PTPRD: variants seen among roughly 807,000 people sequenced by gnomAD.
The protein encoded by PTPRD is receptor-type tyrosine-protein phosphatase delta.
In PTPRD, 34 loss-of-function variants were observed where a neutral mutation model predicts 214.5. The ratio of observed to expected loss-of-function variants is 0.16; its 90% CI spans 0.12 to 0.21. The LOEUF (loss-of-function observed/expected upper bound fraction) is 0.21. PTPRD is among the 10% of genes least tolerant of loss of function. PTPRD has a pLI of 1.00. For synonymous variants in PTPRD, 1,128 were observed against 845.7 expected (o/e 1.33, Z -5.79); for missense variants, 2,545 against 2,398.7 (o/e 1.06, Z -1.27).
At chr9:8,557,455 T>C (rs56791916) in intron 14 of PTPRD, among the ~76,000 whole-genome samples, 7,921 of 135,250 alleles carry the variant, frequency 0.059, 1,414 homozygotes, top group African/African-American at 0.26. Context: ...TATATATATA[T>C]ATTTGGGCCG....
chr9:10,430,642 GAAT>G (rs1304604682), intron 2 of PTPRD, among the ~76,000 whole-genome samples: 2 of 151,760 alleles, frequency 1.3e-5, no homozygotes, highest in Non-Finnish European at 2.9e-5. Context: ...ACCTCCGTCA[GAAT>G]AATAATGCAA....
At chr9:8,822,792 T>C (rs1291638439) in intron 11 of PTPRD, among the ~76,000 whole-genome samples, 1 of 152,042 alleles carries the variant, frequency 6.6e-6, no homozygotes, top group African/African-American at 2.4e-5. Context: ...TGGAATCCAA[T>C]TCTGTTAAAC....
intron 7 of PTPRD, among the ~76,000 whole-genome samples, chr9:9,615,492 A>C (rs1414345424): frequency 2.6e-5 from 4 of 152,160 alleles, no homozygotes; most frequent in African/African-American, 9.7e-5. Context: ...TCCTTGGATC[A>C]AGGGTTGTCT....
At chr9:9,326,641 G>A (rs549253121) in intron 9 of PTPRD, among the ~76,000 whole-genome samples, 2 of 151,176 alleles carry the variant, frequency 1.3e-5, no homozygotes, top group East Asian at 3.9e-4. Context: ...TGAGAGCATT[G>A]AAGATTTTTT....
At chr9:8,717,186 T>C (rs1406202447) in intron 12 of PTPRD, among the ~76,000 whole-genome samples, 2 of 152,022 alleles carry the variant, frequency 1.3e-5, no homozygotes, top group Admixed American at 6.6e-5. Flanking sequence ...CATCTAAAAG[T>C]AACATATGAA....
At chr9:9,073,010 T>C (rs771149793) in intron 10 of PTPRD, among the ~76,000 whole-genome samples, 1 of 152,128 alleles carries the variant, frequency 6.6e-6, no homozygotes, top group Non-Finnish European at 1.5e-5. Flanking sequence ...AACATGGAAG[T>C]TCAGAATAAA....
chr9:9,914,407 C>G (rs920192426), intron 5 of PTPRD, among the ~76,000 whole-genome samples: 5 of 152,202 alleles, frequency 3.3e-5, no homozygotes, highest in African/African-American at 1.2e-4. Flanking sequence ...GTGTCCACCC[C>G]TAGTGGACAT....
At chr9:10,412,618 GCACACACACACACAAACACACACACACA>G (rs1458996391) in intron 2 of PTPRD, among the ~76,000 whole-genome samples, 1 of 91,540 alleles carries the variant, frequency 1.1e-5, no homozygotes, top group Non-Finnish European at 2.0e-5. Flanking sequence ...ACACACGCAC[GCACACACACACACAAACACACACACACA>G]CACACACACA....
At position 9,744,311 on chromosome 9, in the gene PTPRD, A is replaced by G. The variant is rs762159088; in HGVS notation, c.-325-9740T>C. Among the ~76,000 whole-genome samples, 5 of 152,152 alleles carry G rather than the reference A, an allele frequency of 3.3e-5. No homozygotes were observed. The East Asian group carries it at 7.7e-4, about 24-fold the overall frequency. Reference sequence around the variant, plus strand: ...GTCGTTTTAGAGTAGAGTGGCTGCAATTGAGGCAAACAATTTAAGTAAAAA... The same window carrying G: ...GTCGTTTTAGAGTAGAGTGGCTGCAGTTGAGGCAAACAATTTAAGTAAAAA... On this transcript the variant is annotated intron_variant, in intron 6 of 45. Coordinates refer to ENST00000381196, the MANE Select transcript of PTPRD (RefSeq NM_002839.4).
intron 34 of PTPRD, 46 bp downstream of exon 34, chr9:8,449,679 C>G (rs1385468802): frequency 1.3e-6 from 2 of 1,565,164 alleles, no homozygotes; most frequent in Non-Finnish European, 1.8e-6. Flanking sequence ...AGCTGTACAA[C>G]TTCTGGGAAA....
At chr9:10,046,170 A>G (rs1356873129) in intron 3 of PTPRD, among the ~76,000 whole-genome samples, 1 of 151,834 alleles carries the variant, frequency 6.6e-6, no homozygotes, top group African/African-American at 2.4e-5. Context: ...TTTCCAGATG[A>G]CTTCATTAGT....
intron 10 of PTPRD, among the ~76,000 whole-genome samples, chr9:9,142,200 A>G (rs2099861648): frequency 6.6e-6 from 1 of 152,208 alleles, no homozygotes; most frequent in African/African-American, 2.4e-5. Context: ...CAAATCCCAT[A>G]GAAGCCCTAG....
rs2096558818 is a variant in PTPRD, at chr9:10,009,744, GC to G, written c.-472+23973del. On this transcript the variant is annotated intron_variant, in intron 4 of 45. Transcript: ENST00000381196. The stretch of plus-strand genomic sequence containing the variant: ...CTCCCGCAAAGGACAGCTTTGCAGG[GC>G]CGTTTCAAAATATGTCAAAGTATAT... Among the ~76,000 whole-genome samples, 4 of 152,032 alleles carry G rather than the reference GC, an allele frequency of 2.6e-5. No homozygotes were observed. The South Asian group carries it at 8.3e-4, about 32-fold the overall frequency.
intron 9 of PTPRD, among the ~76,000 whole-genome samples, chr9:9,286,080 A>G (rs905712968): frequency 7.2e-5 from 11 of 151,802 alleles, no homozygotes; most frequent in Non-Finnish European, 1.5e-4. Flanking sequence ...GTTAGTATAC[A>G]TAAATTTTCT....
At chr9:8,346,137 G>GA in intron 39 of PTPRD, among the ~76,000 whole-genome samples, 1 of 151,882 alleles carries the variant, frequency 6.6e-6, no homozygotes, top group Non-Finnish European at 1.5e-5. Context: ...GTTTAAAACT[G>GA]AAAAATCATC....
At chr9:10,033,594 T>C (rs2097124369) in intron 4 of PTPRD, 124 bp downstream of exon 4, 1 of 152,086 alleles carries the variant, frequency 6.6e-6, no homozygotes, top group African/African-American at 2.4e-5. Flanking sequence ...AAAAGAATTA[T>C]TCTGTAATTA....
At chr9:9,662,886 A>G (rs2096646949) in intron 7 of PTPRD, among the ~76,000 whole-genome samples, 1 of 151,526 alleles carries the variant, frequency 6.6e-6, no homozygotes, top group Non-Finnish European at 1.5e-5. Flanking sequence ...ATTGTACAGT[A>G]TTTGAGAATA....
rs373491209 is a variant in PTPRD, at chr9:10,179,881, G to C, written c.-544-146091C>G. ...GTTTAGACAATAACTGCAAAACTAA[G>C]CATACTATTTTATTTAGCTAGCAAA... On this transcript the variant is annotated intron_variant, in intron 3 of 45. Coordinates refer to ENST00000381196, the MANE Select transcript of PTPRD (RefSeq NM_002839.4). Among the ~76,000 whole-genome samples, 10 of 152,074 alleles carry C rather than the reference G, an allele frequency of 6.6e-5. No homozygotes were observed. In the East Asian group the frequency reaches 9.6e-4, roughly 15 times the overall value.
At chr9:10,449,653 G>A (rs1412527650) in intron 2 of PTPRD, among the ~76,000 whole-genome samples, 51 of 151,148 alleles carry the variant, frequency 3.4e-4, no homozygotes, top group African/African-American at 4.9e-4. Flanking sequence ...CCGCCGCCCC[G>A]TCTGGGATGT....
Sources: gnomAD v4.1 joint callset for allele counts (sites outside exome capture counted in the v4.1 genomes callset) on GRCh38, gnomAD v4.1.1 for gene constraint, MANE v1.5 for transcripts, NCBI Gene and HGNC (gene_info 2026-07-23, HGNC 2026-07-21) for gene names.